CASS4: variants seen among roughly 807,000 people sequenced by gnomAD.
CASS4 encodes Cas scaffold protein family member 4.
Under a neutral mutation model 54.2 loss-of-function variants are expected in CASS4, and 22 were observed. The ratio of observed to expected loss-of-function variants is 0.41; its 90% CI spans 0.29 to 0.58. The LOEUF (loss-of-function observed/expected upper bound fraction) is 0.58, where lower values mean the gene tolerates loss of function less well. CASS4 is among the 20% of genes least tolerant of loss of function. CASS4 has a pLI of 0.36. For synonymous variants in CASS4, 409 were observed against 391.5 expected, an observed-to-expected ratio of 1.04 and a Z score of -0.53; for missense variants, 854 against 986.7, an observed-to-expected ratio of 0.87 and a Z score of 1.80.
At chr20:56,419,007 G>A (rs1600743565) in intron 1 of CASS4, among the ~76,000 whole-genome samples, 1 of 152,006 alleles carries the variant, frequency 6.6e-6, no homozygotes, top group South Asian at 2.1e-4. Context: ...CACTTGGGGG[G>A]AAAAAAAGCT....
In CASS4 at chr20:56,430,902, G is replaced by A. The variant is rs1287643151; in HGVS notation, c.37-6262G>A. ...ATGTGACTGGAGGGAAATGAATGAG[G>A]GTAGAGCTGCAAACTGGGAGGCTGA... On this transcript the variant is annotated intron_variant, in intron 1 of 5. Coordinates refer to ENST00000679887, the MANE Select transcript of CASS4 (RefSeq NM_020356.4). The surrounding 1 kb of genome is among the most constrained non-coding windows in gnomAD (Gnocchi z 4.2). Among the ~76,000 whole-genome samples, 2 of 152,194 alleles carry A rather than the reference G, an allele frequency of 1.3e-5. No homozygotes were observed. The highest frequency in any genetic ancestry group is 6.5e-5 in the Admixed American group (1 of 15,282).
At chr20:56,457,812 C>G (rs1176564558) in intron 5 of CASS4, among the ~76,000 whole-genome samples, 3 of 151,894 alleles carry the variant, frequency 2.0e-5, no homozygotes, top group African/African-American at 7.3e-5. Flanking sequence ...ATCAGGGGTT[C>G]AAAACCAATC....
At position 56,452,187 on chromosome 20, in the gene CASS4, TC is replaced by T. The variant is rs1319352068; in HGVS notation, c.1015del (p.Arg339GlufsTer106). ...ACAAGGTTCCTTCAAGCTTTCTGAT[TC>T]CCCGAGTGGAACAGCAGAACACCAA... Reference protein sequence around the residue: ...SYKVPSSFLIPRVEQQNTKPN... With the variant: ...SYKVPSSFLIXRVEQQNTKPN... On this transcript the variant is annotated frameshift_variant, in exon 5 of 6. Coordinates refer to ENST00000679887, the MANE Select transcript of CASS4 (RefSeq NM_020356.4). LOFTEE classifies it high-confidence loss of function. The T allele has an allele frequency of 6.2e-7, 1 of 1,614,042 alleles. No individual in the cohort carries two copies. Among genetic ancestry groups the T allele is most frequent in the Non-Finnish European group, 8.5e-7 (1 of 1,180,044 alleles).
At chr20:56,427,436 GCCAACAGATAATA>G (rs1472853910) in intron 1 of CASS4, among the ~76,000 whole-genome samples, 1 of 152,034 alleles carries the variant, frequency 6.6e-6, no homozygotes, top group Non-Finnish European at 1.5e-5. Context: ...ACATTCACAA[GCCAACAGATAATA>G]CCCTTCTCTC....
At chr20:56,451,032 A>AG (rs1260199331) in intron 4 of CASS4, among the ~76,000 whole-genome samples, 1 of 151,764 alleles carries the variant, frequency 6.6e-6, no homozygotes, top group Non-Finnish European at 1.5e-5. Context: ...AAAAAAAAAA[A>AG]AAAGAAAGAA....
At chr20:56,456,168 G>A (rs1161546140) in intron 5 of CASS4, among the ~76,000 whole-genome samples, 5 of 152,056 alleles carry the variant, frequency 3.3e-5, no homozygotes, top group South Asian at 2.1e-4. Context: ...TCTCCATTGC[G>A]TGGTGAACCG....
In CASS4 at chr20:56,417,974, G is replaced by A. The variant is rs146849411; in HGVS notation, c.36+5480G>A. 3.3e-3 allele frequency among the ~76,000 whole-genome samples: 498 copies of A among 152,150 alleles called. 3 individuals carry two copies. The highest frequency in any genetic ancestry group is 0.012 in the African/African-American group (479 of 41,514). On this transcript the variant is annotated intron_variant, in intron 1 of 5. Transcript: ENST00000679887. ...AACTTCCTCCCTTCATCTATTCCAC[G>A]AGGCAAAACAGCCCAGACACAACAC...
intron 1 of CASS4, among the ~76,000 whole-genome samples, chr20:56,421,629 G>A (rs1303790697): frequency 6.6e-6 from 1 of 152,132 alleles, no homozygotes; most frequent in Admixed American, 6.5e-5. Flanking sequence ...CCAGGAGTTC[G>A]AGGCTGCAGT....
chr20:56,424,493 C>A (rs925017795), intron 1 of CASS4, among the ~76,000 whole-genome samples: 3 of 152,098 alleles, frequency 2.0e-5, no homozygotes, highest in African/African-American at 7.2e-5. Flanking sequence ...GTAATCCTAG[C>A]ACTTTGGGAG....
intron 1 of CASS4, among the ~76,000 whole-genome samples, chr20:56,420,986 A>G (rs1979384062): frequency 6.6e-6 from 1 of 152,226 alleles, no homozygotes; most frequent in Admixed American, 6.5e-5. Flanking sequence ...CAAAAGAAGA[A>G]AAGCTTAAAC....
chr20:56,434,866 G>T (rs1980080930), intron 1 of CASS4, among the ~76,000 whole-genome samples: 1 of 152,158 alleles, frequency 6.6e-6, no homozygotes, highest in Non-Finnish European at 1.5e-5. Flanking sequence ...CTATGCAAAA[G>T]AAAAGATCTG....
At chr20:56,419,096 G>A (rs1313717235) in intron 1 of CASS4, among the ~76,000 whole-genome samples, 1 of 152,072 alleles carries the variant, frequency 6.6e-6, no homozygotes, top group Non-Finnish European at 1.5e-5. Context: ...AATGGAATGG[G>A]GAAGCAACTG....
rs1470380758 is a variant in CASS4, at chr20:56,450,693, G to A, written c.642+14G>A. On this transcript the variant is annotated intron_variant, in intron 4 of 5. Coordinates refer to ENST00000679887, the MANE Select transcript of CASS4 (RefSeq NM_020356.4). The stretch of plus-strand genomic sequence containing the variant: ...AGCCAAGCAAGTGTAAGTATGAAGA[G>A]GTGCTAAGGTGCGGTGTTATGAACA... The A allele has an allele frequency of 6.2e-7, 1 of 1,611,802 alleles. No individual in the cohort carries two copies. Among genetic ancestry groups the A allele is most frequent in the Non-Finnish European group, 8.5e-7 (1 of 1,178,018 alleles).
At chr20:56,421,956 T>C (rs1979433703) in intron 1 of CASS4, among the ~76,000 whole-genome samples, 1 of 152,224 alleles carries the variant, frequency 6.6e-6, no homozygotes, top group African/African-American at 2.4e-5. Context: ...AAGAGAAGAA[T>C]TCATGGGAAA....
At chr20:56,442,477 C>T (rs1980508460) in intron 2 of CASS4, among the ~76,000 whole-genome samples, 1 of 151,714 alleles carries the variant, frequency 6.6e-6, no homozygotes, top group South Asian at 2.1e-4. Flanking sequence ...GAACACTTTA[C>T]TGAAATTTCA....
At chr20:56,433,572 G>A (rs1299313174) in intron 1 of CASS4, among the ~76,000 whole-genome samples, 1 of 152,168 alleles carries the variant, frequency 6.6e-6, no homozygotes, top group Admixed American at 6.5e-5. Context: ...CGACAACAGT[G>A]CCATATGTAA....
Position 56,437,519 on chromosome 20 carries a change from A to G in CASS4, c.392A>G (p.Tyr131Cys), listed in dbSNP as rs1156732826. 1.5e-5 allele frequency: 24 copies of G among 1,586,860 alleles called. No individual in the cohort carries two copies. The highest frequency in any genetic ancestry group is 2.3e-5 in the South Asian group (2 of 88,418). The change falls in exon 2 of 6, where the codon TAT (tyrosine) becomes TGT (cysteine). Residue 131 changes from tyrosine to cysteine, a missense_variant. Physicochemically the swap from Tyr to Cys is radical, Grantham distance 194 (BLOSUM62 -2). Coordinates refer to ENST00000679887, the MANE Select transcript of CASS4 (RefSeq NM_020356.4). This position sits in a 1 kb window ranked among gnomAD's most constrained non-coding sequence, Gnocchi z 4.7. ...EGPQPPTAQV[Y>C]EFPDPPTSAR... ...CCCCAGCCCCCTACTGCCCAAGTCT[A>G]TGAATTCCCCGACCCTCCCACCAGT...
intron 2 of CASS4, among the ~76,000 whole-genome samples, chr20:56,443,725 C>T (rs1267481151): frequency 6.6e-6 from 1 of 152,096 alleles, no homozygotes; most frequent in Non-Finnish European, 1.5e-5. Flanking sequence ...GTGCACAACA[C>T]GGCAGCGTGC....
chr20:56,434,882 A>C (rs1157793525), intron 1 of CASS4, among the ~76,000 whole-genome samples: 1 of 152,222 alleles, frequency 6.6e-6, no homozygotes, highest in Non-Finnish European at 1.5e-5. Flanking sequence ...ATCTGGAAAC[A>C]CAAAAACCGA....
Sources: gnomAD v4.1 joint callset for allele counts (sites outside exome capture counted in the v4.1 genomes callset) on GRCh38, gnomAD v4.1.1 for gene constraint, Gnocchi (gnomAD v3.1) non-coding constraint, MANE v1.5 for transcripts, NCBI Gene and HGNC (gene_info 2026-07-23, HGNC 2026-07-21) for gene names.